The following GRIP1 variants were observed in gnomAD, a reference collection of about 807,000 sequenced individuals.
GRIP1 encodes the protein glutamate receptor-interacting protein 1.
GRIP1 carries 45 observed loss-of-function variants against 129.9 expected under a neutral mutation model. The ratio of observed to expected loss-of-function variants is 0.35; its 90% CI spans 0.27 to 0.44. The LOEUF is 0.44. Ranked by LOEUF, GRIP1 falls within the 20% of genes least tolerant of loss-of-function variation. The pLI is 1.00. For synonymous variants in GRIP1, 530 were observed against 520.8 expected (o/e 1.02, Z -0.24); for missense variants, 1,196 against 1,396.8 (o/e 0.86, Z 2.29).
intron 1 of GRIP1, among the ~76,000 whole-genome samples, chr12:67,019,207 C>T (rs949418871): frequency 2.6e-5 from 4 of 152,128 alleles, no homozygotes; most frequent in African/African-American, 9.7e-5. Flanking sequence ...ACAGCTGGCA[C>T]AATACACACG....
intron 1 of GRIP1, among the ~76,000 whole-genome samples, chr12:66,987,976 A>T (rs1337548149): frequency 6.6e-6 from 1 of 152,148 alleles, no homozygotes; most frequent in Non-Finnish European, 1.5e-5. Flanking sequence ...GCCTCAGTCA[A>T]TAGGTAGTTA....
chr12:67,068,692 A>C (rs1592540240), intron 1 of GRIP1, among the ~76,000 whole-genome samples: 8 of 132,854 alleles, frequency 6.0e-5, no homozygotes, highest in South Asian at 4.9e-4. Context: ...GCCCACCATC[A>C]CCCCCCAGCA....
chr12:66,544,707 T>C (rs924592596), intron 2 of GRIP1, among the ~76,000 whole-genome samples: 2 of 152,148 alleles, frequency 1.3e-5, no homozygotes, highest in African/African-American at 2.4e-5. Context: ...CCCAGAAGAA[T>C]TGACTAAATC....
At chr12:66,928,986 T>G (rs1286706628) in intron 1 of GRIP1, among the ~76,000 whole-genome samples, 1 of 152,192 alleles carries the variant, frequency 6.6e-6, no homozygotes, top group African/African-American at 2.4e-5. Flanking sequence ...ACCAGAGAAC[T>G]GAAGTCAAGA....
chr12:66,683,444 G>T (rs905088077), upstream of GRIP1, among the ~76,000 whole-genome samples: 1 of 152,122 alleles, frequency 6.6e-6, no homozygotes, highest in Admixed American at 6.6e-5. Flanking sequence ...GGTTCTAAGG[G>T]TGTGAAAAGT....
intron 7 of GRIP1, among the ~76,000 whole-genome samples, chr12:66,493,006 A>AAAACAACCAAAC (rs1555195053): frequency 6.6e-6 from 1 of 151,064 alleles, no homozygotes; most frequent in Non-Finnish European, 1.5e-5. Flanking sequence ...ACTCTGTCTC[A>AAAACAACCAAAC]AAACAAACAA....
Position 66,760,102 on chromosome 12 carries a change from C to T in GRIP1, c.-420+43951G>A, listed in dbSNP as rs546761029. 2.6e-5 allele frequency among the ~76,000 whole-genome samples: 4 copies of T among 152,174 alleles called. No individual in the cohort carries two copies. In the East Asian group the frequency reaches 5.8e-4, roughly 22 times the overall value. ...ATCTCCTGACCTTGTGATCCATGTG[C>T]CTTAGCCTCCCAAAGTGCTGGGATT... On this transcript the variant is annotated intron_variant, in intron 1 of 4. Transcript: ENST00000538373.
At chr12:67,058,767 C>T (rs1431313408) in intron 1 of GRIP1, among the ~76,000 whole-genome samples, 1 of 152,182 alleles carries the variant, frequency 6.6e-6, no homozygotes, top group African/African-American at 2.4e-5. Flanking sequence ...GAAGAGTCCA[C>T]CTGGCAAAGG....
At chr12:66,531,323 A>T (rs2061458500) in intron 4 of GRIP1, among the ~76,000 whole-genome samples, 1 of 64,924 alleles carries the variant, frequency 1.5e-5, no homozygotes, top group Admixed American at 1.6e-4. Context: ...ACACATACAT[A>T]TACATATATA....
At chr12:66,683,318 T>A (rs2034656146), upstream of GRIP1, among the ~76,000 whole-genome samples, 2 of 152,198 alleles carry the variant, frequency 1.3e-5, no homozygotes, top group South Asian at 4.1e-4. Flanking sequence ...AACTAGTGTG[T>A]CAACATGAGA....
At chr12:67,002,002 G>A (rs943138827) in intron 1 of GRIP1, among the ~76,000 whole-genome samples, 7 of 151,530 alleles carry the variant, frequency 4.6e-5, no homozygotes, top group Admixed American at 1.3e-4. Flanking sequence ...AATACAACAC[G>A]ACATAGAGAG....
chr12:66,688,921 T>TC lies in GRIP1; in HGVS notation c.-419-58586dup, dbSNP rs147216617. ...AGAAGTCAGGGTTGAAGGACATTCT[T>TC]CACTGGGTCTCTTCCTCTCATCAGG... On this transcript the variant is annotated intron_variant, in intron 1 of 4. Coordinates refer to the GRIP1 transcript ENST00000538373. 2.8e-3 allele frequency among the ~76,000 whole-genome samples: 422 copies of TC among 152,264 alleles called. 15 individuals carry two copies. The East Asian group carries it at 0.076, about 28-fold the overall frequency.
chr12:66,476,543 C>G (rs574404568), intron 7 of GRIP1, among the ~76,000 whole-genome samples: 41 of 152,278 alleles, frequency 2.7e-4, no homozygotes, highest in African/African-American at 9.4e-4. Context: ...TAGCATCATC[C>G]TGATACCAAA....
At chr12:67,039,825 A>T (rs1339929739) in intron 1 of GRIP1, among the ~76,000 whole-genome samples, 1 of 152,112 alleles carries the variant, frequency 6.6e-6, no homozygotes, top group Admixed American at 6.5e-5. Context: ...ACTCCTGGTG[A>T]CTCATTATAA....
intron 1 of GRIP1, among the ~76,000 whole-genome samples, chr12:66,779,938 TGA>T (rs1441931755): frequency 1.3e-5 from 2 of 152,140 alleles, no homozygotes; most frequent in Non-Finnish European, 2.9e-5. Context: ...ACATTCCAAT[TGA>T]AAGGCCCTAA....
At chr12:66,553,177 A>G (rs1227310151) in intron 2 of GRIP1, among the ~76,000 whole-genome samples, 1 of 152,194 alleles carries the variant, frequency 6.6e-6, no homozygotes, top group Non-Finnish European at 1.5e-5. Context: ...ATGAGCAGAT[A>G]AAGCAGTCAC....
intron 1 of GRIP1, among the ~76,000 whole-genome samples, chr12:66,858,346 T>G (rs2040043228): frequency 1.3e-5 from 2 of 152,004 alleles, no homozygotes; most frequent in Non-Finnish European, 2.9e-5. Flanking sequence ...ACCATAGGTT[T>G]CATAACTCAG....
intron 1 of GRIP1, among the ~76,000 whole-genome samples, chr12:67,037,964 C>T (rs974377354): frequency 6.6e-6 from 1 of 152,122 alleles, no homozygotes; most frequent in South Asian, 2.1e-4. Flanking sequence ...TCAAACTATG[C>T]ATTATCCTAA....
At chr12:66,877,480 T>A (rs1468506244) in intron 1 of GRIP1, among the ~76,000 whole-genome samples, 1 of 152,058 alleles carries the variant, frequency 6.6e-6, no homozygotes, top group Admixed American at 6.6e-5. Context: ...ATCTAACATC[T>A]CATACAATTT....
Sources: gnomAD v4.1 joint callset for allele counts (sites outside exome capture counted in the v4.1 genomes callset) on GRCh38, gnomAD v4.1.1 for gene constraint, MANE v1.5 for transcripts, NCBI Gene and HGNC (gene_info 2026-07-23, HGNC 2026-07-21) for gene names.